Variants in SAMD11 observed in about 807,000 individuals in gnomAD.
The protein encoded by SAMD11 is sterile alpha motif domain containing 11.
Under a neutral mutation model 64.4 loss-of-function variants are expected in SAMD11, and 77 were observed. The ratio of observed to expected loss-of-function variants is 1.20; its 90% CI spans 0.99 to 1.44. The LOEUF (loss-of-function observed/expected upper bound fraction) is 1.44. Ranked by LOEUF, SAMD11 falls within the 40% of genes most tolerant of loss-of-function variation. The pLI, the probability that SAMD11 is intolerant of heterozygous loss-of-function variation, is 0.00. For missense variants in SAMD11, 1,402 were observed against 943.3 expected (o/e 1.49, Z -6.37); for synonymous variants, 658 against 421.9 (o/e 1.56, Z -6.86).
chr1:930,938 C>A (rs1298029300), intron 3 of SAMD11, 101 bp from the exon 4 acceptor site: 2 of 1,167,242 alleles, frequency 1.7e-6, no homozygotes, highest in Non-Finnish European at 2.6e-6. Context: ...TGTGGCCCAG[C>A]GGGGCACTGA....
In SAMD11 at chr1:944,225, C is replaced by T. The variant is rs1642011041; in HGVS notation, c.*72C>T. 2.7e-6 allele frequency: 4 copies of T among 1,468,030 alleles called. No individual in the cohort carries two copies. The South Asian group carries it at 4.7e-5, about 17-fold the overall frequency. 90.9% of individuals were successfully genotyped at this position (1,468,030 alleles called of 1,614,324 possible). ...CACTCAACACAATGGCCCTGCCTCCCACCGCTTTATTTCTTTCGGTTTCGG... is the reference window on the plus strand; with the variant it reads ...CACTCAACACAATGGCCCTGCCTCCTACCGCTTTATTTCTTTCGGTTTCGG... On this transcript the variant is annotated 3_prime_UTR_variant, in exon 14 of 14. Coordinates refer to ENST00000616016, the MANE Select transcript of SAMD11 (RefSeq NM_001385641.1).
In SAMD11 at chr1:943,596, T is replaced by TA. The variant is rs569163313; in HGVS notation, c.2179-96dup. 1.1e-4 allele frequency: 145 copies of TA among 1,281,394 alleles called. No individual in the cohort carries two copies. The African/African-American group carries it at 2.1e-3, about 19-fold the overall frequency. 79.4% of individuals were successfully genotyped at this position (1,281,394 alleles called of 1,614,324 possible). A position where few individuals can be genotyped will look rare whatever the true frequency, so the allele number is the denominator to read the frequency against. On this transcript the variant is annotated intron_variant, in intron 12 of 13. Transcript: ENST00000616016. ...CTCAAACCCAACAGATCACTGTTTT[T>TA]AAAAAATTTCCGTGAGCTGCACAAA...
Position 943,778 on chromosome 1 carries a change from G to T in SAMD11, c.2259G>T (p.Lys753Asn), listed in dbSNP as rs553804060. 1 of 1,612,604 alleles carries T rather than the reference G, an allele frequency of 6.2e-7. No homozygotes were observed. The highest frequency in any genetic ancestry group is 1.1e-5 in the South Asian group (1 of 91,054). Residue 753 changes from lysine to asparagine, a missense_variant, in exon 13 of 14, where the codon AAG (lysine) becomes AAT (asparagine). Transcript: ENST00000616016. ...ACCTGCTGACCAACATGGGGCTGAA[G>T]CTGGGGCCCGCCCTCAAGATCCGGG... ...EEHLLTNMGLKLGPALKIRAQ... is the reference protein window; with the variant it reads ...EEHLLTNMGLNLGPALKIRAQ...
intron 7 of SAMD11, chr1:940,559 G>C (rs917792927): frequency 6.6e-6 from 1 of 152,390 alleles, no homozygotes; most frequent in South Asian, 2.1e-4. Context: ...GGGAGAGGCC[G>C]AGAGACCTGG....
chr1:943,641 T>G, intron 12 of SAMD11, 57 bp from the exon 13 acceptor site: 1 of 1,458,616 alleles, frequency 6.9e-7, no homozygotes, highest in Non-Finnish European at 9.1e-7. Context: ...TTGGCTCTGC[T>G]GGGCTGGAGG....
chr1:936,119 G>T (rs1641423309), intron 5 of SAMD11, among the ~76,000 whole-genome samples: 2 of 152,224 alleles, frequency 1.3e-5, no homozygotes, highest in South Asian at 2.1e-4. Context: ...GGGTGGGCTT[G>T]GAGTAGCCGG....
rs1422704084 is a variant in SAMD11 at position 944,085 on chromosome 1, C to T, written c.2467C>T (p.Pro823Ser). The T allele has an allele frequency of 2.5e-6, 4 of 1,612,472 alleles. No individual in the cohort carries two copies. In the South Asian group the frequency reaches 3.3e-5, roughly 13 times the overall value. The change falls in exon 14 of 14, where the codon CCC (proline) becomes TCC (serine). Residue 823 changes from proline to serine, a missense_variant. Coordinates refer to ENST00000616016, the MANE Select transcript of SAMD11 (RefSeq NM_001385641.1). ...GGHALAGQTS[P>S]KQENGTLALL... ...CCACGCCCTTGCCGGTCAAACTTCA[C>T]CCAAGCAGGAGAATGGGACCTTGGC...
chr1:944,565 A>G lies in SAMD11; in HGVS notation c.*412A>G, dbSNP rs981443040. The G allele has an allele frequency of 3.3e-5, 21 of 639,284 alleles. No homozygotes were observed. Among genetic ancestry groups the G allele is most frequent in the Non-Finnish European group, 4.0e-5 (15 of 376,356 alleles). 39.6% of individuals were successfully genotyped at this position (639,284 alleles called of 1,614,324 possible). Reference sequence around the variant, plus strand: ...GGTCTTTCATGCTGAAAAATAAATAATAAAGCCTGTCCCGTGTCTACTGCC... The same window carrying G: ...GGTCTTTCATGCTGAAAAATAAATAGTAAAGCCTGTCCCGTGTCTACTGCC... On this transcript the variant is annotated 3_prime_UTR_variant, in exon 14 of 14. Coordinates refer to ENST00000616016, the MANE Select transcript of SAMD11 (RefSeq NM_001385641.1).
Position 943,260 on chromosome 1 carries a change from A to G in SAMD11, c.2061A>G (p.Val687=), listed in dbSNP as rs1641920058. 1.2e-6 allele frequency: 2 copies of G among 1,612,910 alleles called. No homozygotes were observed. The highest frequency in any genetic ancestry group is 1.7e-6 in the Non-Finnish European group (2 of 1,179,874). ...AVSPYFHTGA[V]GGLSMDGEEA... ...ACACGCCCCACAACTCAGGCGCGGT[A>G]GGGGGACTCTCCATGGATGGGGAGG... Residue 687 remains valine, a synonymous_variant, in exon 12 of 14, where the codon GTA becomes GTG. Transcript: ENST00000616016.
intron 4 of SAMD11, among the ~76,000 whole-genome samples, chr1:932,498 A>ACCAGGCCTGGGCTC (rs1383593026): frequency 3.4e-4 from 52 of 152,240 alleles, no homozygotes; most frequent in Non-Finnish European, 6.9e-4. Flanking sequence ...CCCGGAGGAG[A>ACCAGGCCTGGGCTC]AGGCCCAGCA....
chr1:936,141 C>A (rs554300061), intron 5 of SAMD11, among the ~76,000 whole-genome samples: 3 of 152,322 alleles, frequency 2.0e-5, no homozygotes, highest in African/African-American at 7.2e-5. Flanking sequence ...GCCCTGCCAC[C>A]CCCTTTCCAC....
chr1:944,207 C>T lies in SAMD11; in HGVS notation c.*54C>T, dbSNP rs2100369450. Reference sequence around the variant, plus strand: ...CAAATCTCCAGGAGCCACCACTCAACACAATGGCCCTGCCTCCCACCGCTT... The same window carrying T: ...CAAATCTCCAGGAGCCACCACTCAATACAATGGCCCTGCCTCCCACCGCTT... On this transcript the variant is annotated 3_prime_UTR_variant, in exon 14 of 14. Transcript: ENST00000616016. The T allele has an allele frequency of 3.4e-6, 5 of 1,489,244 alleles. No homozygotes were observed. The highest frequency in any genetic ancestry group is 4.5e-6 in the Non-Finnish European group (5 of 1,120,780). The allele number at this position is 1,489,244 out of a possible 1,614,324, so 92.3% of individuals were successfully genotyped here.
chr1:936,426 C>T (rs1641453773), intron 5 of SAMD11, among the ~76,000 whole-genome samples: 2 of 141,736 alleles, frequency 1.4e-5, no homozygotes, highest in South Asian at 2.1e-4. Flanking sequence ...CGGAGGGGGT[C>T]CCCGGTCGGT....
At chr1:943,148 T>C in intron 11 of SAMD11, 90 bp downstream of exon 11, 7 of 1,583,470 alleles carry the variant, frequency 4.4e-6, no homozygotes, top group South Asian at 1.2e-5. Context: ...AAAATTCCCC[T>C]TAGGCACCCA....
intron 5 of SAMD11, among the ~76,000 whole-genome samples, 194 bp downstream of exon 5, chr1:936,090 T>C (rs946408656): frequency 3.3e-5 from 5 of 152,192 alleles, no homozygotes; most frequent in Non-Finnish European, 5.9e-5. Context: ...AGGCGGTGGC[T>C]CCGCTGTGGC....
intron 7 of SAMD11, among the ~76,000 whole-genome samples, chr1:939,897 G>GA (rs1161629609): frequency 6.6e-5 from 10 of 152,120 alleles, no homozygotes; most frequent in African/African-American, 2.4e-4. Flanking sequence ...AGGTGCTGAA[G>GA]AGACGCCAGC....
At chr1:932,761 C>G (rs1265796386) in intron 4 of SAMD11, among the ~76,000 whole-genome samples, 1 of 152,256 alleles carries the variant, frequency 6.6e-6, no homozygotes, top group Non-Finnish European at 1.5e-5. Flanking sequence ...TTCGCCCTGT[C>G]TGGCTGGCTC....
At chr1:943,105 C>T (rs368292414) in intron 11 of SAMD11, 47 bp downstream of exon 11, 23 of 1,554,210 alleles carry the variant, frequency 1.5e-5, no homozygotes, top group African/African-American at 4.1e-5. Context: ...ACAGGACTGG[C>T]AGGCCGCCTG....
At chr1:942,537 C>T (rs1421446575) in intron 10 of SAMD11, 22 bp from the exon 11 acceptor site, 2 of 1,407,022 alleles carry the variant, frequency 1.4e-6, no homozygotes, top group Non-Finnish European at 1.8e-6. Flanking sequence ...AGGCGGCTGA[C>T]CCGCGTCTGC....
Sources: gnomAD v4.1 joint callset for allele counts (sites outside exome capture counted in the v4.1 genomes callset) on GRCh38, gnomAD v4.1.1 for gene constraint, MANE v1.5 for transcripts, NCBI Gene and HGNC (gene_info 2026-07-23, HGNC 2026-07-21) for gene names.